GORASP1: variants seen among roughly 807,000 people sequenced by gnomAD.
GORASP1 encodes the protein Golgi reassembly-stacking protein 1.
GORASP1 carries 31 observed loss-of-function variants against 37.7 expected under a neutral mutation model. That is an observed-to-expected ratio of 0.82 (90% CI 0.62 to 1.11). GORASP1 has a LOEUF of 1.11. Ranked by LOEUF, GORASP1 falls within the 50% of genes least tolerant of loss-of-function variation. GORASP1 has a pLI of 0.00. For synonymous variants in GORASP1, 204 were observed against 224.8 expected (o/e 0.91, Z 0.83); for missense variants, 476 against 560.7 (o/e 0.85, Z 1.53).
In GORASP1 at chr3:39,098,965, C is replaced by T; in HGVS notation, c.917-72G>A. 2 of 1,576,738 alleles carry T rather than the reference C, an allele frequency of 1.3e-6. No individual in the cohort carries two copies. The highest frequency in any genetic ancestry group is 2.3e-5 in the East Asian group (1 of 44,392). On this transcript the variant is annotated intron_variant, in intron 7 of 8. Coordinates refer to ENST00000319283, the MANE Select transcript of GORASP1 (RefSeq NM_031899.4). This position sits in a 1 kb window ranked among gnomAD's most constrained non-coding sequence, Gnocchi z 4.7. Reference sequence around the variant, plus strand: ...CTGGAAAGCAGCACCCTGGGCTCACCTTGCCTAGGGCATCTGGCCCAGCCT... The same window carrying T: ...CTGGAAAGCAGCACCCTGGGCTCACTTTGCCTAGGGCATCTGGCCCAGCCT...
chr3:39,102,755 C>T lies in GORASP1; in HGVS notation c.271G>A (p.Gly91Ser). 1 of 1,614,200 alleles carries T rather than the reference C, an allele frequency of 6.2e-7. No individual in the cohort carries two copies. Among genetic ancestry groups the T allele is most frequent in the Non-Finnish European group, 8.5e-7 (1 of 1,180,024 alleles). The stretch of plus-strand genomic sequence containing the variant: ...CTGGCACCCAGTAGGCCCTGGCCGC[C>T]CCACATGTTGCTGGGCACCACCTCC... ...EVEVVPSNMW[G>S]GQGLLGASVR... Residue 91 changes from glycine to serine, a missense_variant, in exon 3 of 9, where the codon GGC (glycine) becomes AGC (serine). Transcript: ENST00000319283. The surrounding 1 kb of genome is among the most constrained non-coding windows in gnomAD (Gnocchi z 5.0).
rs2035552065 is a variant in GORASP1 at position 39,099,383 on chromosome 3, G to A, written c.886C>T (p.Pro296Ser). ...TCCATAACTCGCTGCACTGGAGGTG[G>A]GGGCTGAAGAGGAGTCTCCATGAAA... Reference protein sequence around the residue: ...PHFMETPLQPPPPVQRVMDPG... With the variant: ...PHFMETPLQPSPPVQRVMDPG... Residue 296 changes from proline to serine, a missense_variant, in exon 7 of 9, where the codon CCA (proline) becomes TCA (serine). Pro to Ser is a moderately conservative substitution (Grantham distance 74, BLOSUM62 -1). Transcript: ENST00000319283. The A allele has an allele frequency of 6.2e-7, 1 of 1,613,642 alleles. No individual in the cohort carries two copies. The highest frequency in any genetic ancestry group is 8.5e-7 in the Non-Finnish European group (1 of 1,179,808).
rs751809440 is a variant in GORASP1, at chr3:39,102,914, C to T, written c.145-33G>A. 5.6e-6 allele frequency: 9 copies of T among 1,596,696 alleles called. No individual in the cohort carries two copies. Among genetic ancestry groups the T allele is most frequent in the South Asian group, 5.5e-5 (5 of 90,708 alleles). ...GGCAATGGGGCTGACTCCAAGGCCACCTCATGCCCAGGCTAGGACCCTCAG... is the reference window on the plus strand; with the variant it reads ...GGCAATGGGGCTGACTCCAAGGCCATCTCATGCCCAGGCTAGGACCCTCAG... On this transcript the variant is annotated intron_variant, in intron 2 of 8. Coordinates refer to ENST00000319283, the MANE Select transcript of GORASP1 (RefSeq NM_031899.4). The surrounding 1 kb of genome is among the most constrained non-coding windows in gnomAD (Gnocchi z 5.0).
At position 39,100,383 on chromosome 3, in the gene GORASP1, A is replaced by AG. The variant is rs748515159; in HGVS notation, c.686dup (p.Asp230Ter). On this transcript the variant is annotated frameshift_variant, in exon 6 of 9. Transcript: ENST00000319283. LOFTEE classifies it high-confidence loss of function. The surrounding 1 kb of genome is among the most constrained non-coding windows in gnomAD (Gnocchi z 4.6). ...GGGTGGGTCCAGGTGGTAGAGCATC[A>AG]GGTGGTGGGGCACCAAGTGGTAGAG... The AG allele has an allele frequency of 1.2e-6, 2 of 1,614,090 alleles. No individual in the cohort carries two copies. Among genetic ancestry groups the AG allele is most frequent in the Non-Finnish European group, 1.7e-6 (2 of 1,179,978 alleles).
chr3:39,098,895 T>C lies in GORASP1; in HGVS notation c.917-2A>G. 1 of 1,613,730 alleles carries C rather than the reference T, an allele frequency of 6.2e-7. No homozygotes were observed. Among genetic ancestry groups the C allele is most frequent in the Non-Finnish European group, 8.5e-7 (1 of 1,179,858 alleles). ...AAATTCCCGACACGTCCAGGAAGCCTAGGGGAGGGTGGTGCAGTTCTTTGC... is the reference window on the plus strand; with the variant it reads ...AAATTCCCGACACGTCCAGGAAGCCCAGGGGAGGGTGGTGCAGTTCTTTGC... On this transcript the variant is annotated splice_acceptor_variant, in intron 7 of 8. Transcript: ENST00000319283. LOFTEE classifies it high-confidence loss of function. The surrounding 1 kb of genome is among the most constrained non-coding windows in gnomAD (Gnocchi z 4.7).
In GORASP1 at chr3:39,098,679, G is replaced by A. The variant is rs764414929; in HGVS notation, c.1069+62C>T. ...ACTTCTGCCCAGCTGAGGAATTGAG[G>A]GCAGCCTTCCCAACAACCCGGGGTC... On this transcript the variant is annotated intron_variant, in intron 8 of 8. Coordinates refer to ENST00000319283, the MANE Select transcript of GORASP1 (RefSeq NM_031899.4). This position sits in a 1 kb window ranked among gnomAD's most constrained non-coding sequence, Gnocchi z 4.7. 1.2e-5 allele frequency: 19 copies of A among 1,580,962 alleles called. No homozygotes were observed. The highest frequency in any genetic ancestry group is 1.6e-5 in the Non-Finnish European group (19 of 1,162,346).
In GORASP1 at chr3:39,105,340, T is replaced by G. The variant is rs1378929583; in HGVS notation, c.64-1787A>C. On this transcript the variant is annotated intron_variant, in intron 1 of 8. Transcript: ENST00000319283. This position sits in a 1 kb window ranked among gnomAD's most constrained non-coding sequence, Gnocchi z 5.4. ...TGCTTTTCCTCATGCTCCCACCCTA[T>G]TTTTCCCAATCAGGGAACCTAATGG... 6.6e-6 allele frequency among the ~76,000 whole-genome samples: 1 copy of G among 152,014 alleles called. No homozygotes were observed. The highest frequency in any genetic ancestry group is 1.5e-5 in the Non-Finnish European group (1 of 67,988).
In GORASP1 at chr3:39,100,267, T is replaced by G; in HGVS notation, c.765+38A>C. On this transcript the variant is annotated intron_variant, in intron 6 of 8. Transcript: ENST00000319283. This position sits in a 1 kb window ranked among gnomAD's most constrained non-coding sequence, Gnocchi z 4.6. ...GGCTCCCCAAGGGCAGCCTCTAGAG[T>G]TTTCTGTCTTCCCAGTTGGCAGATT... is the stretch of plus-strand genomic sequence containing the variant. The G allele has an allele frequency of 6.3e-7, 1 of 1,592,056 alleles. No individual in the cohort carries two copies. Among genetic ancestry groups the G allele is most frequent in the Non-Finnish European group, 8.6e-7 (1 of 1,160,438 alleles).
Position 39,100,906 on chromosome 3 carries a change from T to C in GORASP1, c.436-29A>G, listed in dbSNP as rs890920923. The stretch of plus-strand genomic sequence containing the variant: ...TGAGAAACGCATAGCACCTGAGGCC[T>C]GCTTCCAGGGCTAAAGCCTCAACAA... On this transcript the variant is annotated intron_variant, in intron 4 of 8. Transcript: ENST00000319283. The surrounding 1 kb of genome is among the most constrained non-coding windows in gnomAD (Gnocchi z 4.6). The C allele has an allele frequency of 1.2e-6, 2 of 1,614,144 alleles. No individual in the cohort carries two copies. Among genetic ancestry groups the C allele is most frequent in the Non-Finnish European group, 1.7e-6 (2 of 1,179,966 alleles).
Position 39,100,909 on chromosome 3 carries a change from T to C in GORASP1, c.436-32A>G. 2 of 1,614,148 alleles carry C rather than the reference T, an allele frequency of 1.2e-6. No individual in the cohort carries two copies. The highest frequency in any genetic ancestry group is 1.7e-6 in the Non-Finnish European group (2 of 1,179,976). ...GAAACGCATAGCACCTGAGGCCTGC[T>C]TCCAGGGCTAAAGCCTCAACAAAAC... is the stretch of plus-strand genomic sequence containing the variant. On this transcript the variant is annotated intron_variant, in intron 4 of 8. Transcript: ENST00000319283. The surrounding 1 kb of genome is among the most constrained non-coding windows in gnomAD (Gnocchi z 4.6).
At position 39,102,210 on chromosome 3, in the gene GORASP1, CTG is replaced by C. The variant is rs1212104520; in HGVS notation, c.348+466_348+467del. Among the ~76,000 whole-genome samples, 9 of 152,148 alleles carry C rather than the reference CTG, an allele frequency of 5.9e-5. No individual in the cohort carries two copies. The highest frequency in any genetic ancestry group is 2.2e-4 in the African/African-American group (9 of 41,420). ...AGGCAACTGTAACACAATTAAGTATCTGTGTGTCTAAACATTCAGGCATAGAA... is the reference window on the plus strand; with the variant it reads ...AGGCAACTGTAACACAATTAAGTATCTGTGTCTAAACATTCAGGCATAGAA... On this transcript the variant is annotated intron_variant, in intron 3 of 8. Coordinates refer to ENST00000319283, the MANE Select transcript of GORASP1 (RefSeq NM_031899.4). The surrounding 1 kb of genome is among the most constrained non-coding windows in gnomAD (Gnocchi z 5.0).
rs1312329995 is a variant in GORASP1 at position 39,102,091 on chromosome 3, C to G, written c.348+587G>C. 6.6e-6 allele frequency among the ~76,000 whole-genome samples: 1 copy of G among 150,386 alleles called. No homozygotes were observed. Among genetic ancestry groups the G allele is most frequent in the East Asian group, 1.9e-4 (1 of 5,138 alleles). On this transcript the variant is annotated intron_variant, in intron 3 of 8. Transcript: ENST00000319283. The surrounding 1 kb of genome is among the most constrained non-coding windows in gnomAD (Gnocchi z 5.0). Reference sequence around the variant, plus strand: ...TTGTGCAAACATCATAGAACTTAACCTACACATAGCCTACTAGACACCTGG... The same window carrying G: ...TTGTGCAAACATCATAGAACTTAACGTACACATAGCCTACTAGACACCTGG...
intron 7 of GORASP1, 180 bp from the exon 8 acceptor site, chr3:39,099,073 A>G (rs1053674244): frequency 2.3e-6 from 2 of 858,524 alleles, no homozygotes; most frequent in Non-Finnish European, 3.8e-6. Flanking sequence ...TTCTGAGGAA[A>G]GAAAGGGGCC....
Position 39,102,989 on chromosome 3 carries a change from CA to C in GORASP1, c.145-109del. On this transcript the variant is annotated intron_variant, in intron 2 of 8. Transcript: ENST00000319283. This position sits in a 1 kb window ranked among gnomAD's most constrained non-coding sequence, Gnocchi z 5.0. Reference sequence around the variant, plus strand: ...AAGGGCCTTAGTGGGCAGCAGCCCTCAGCAGGGTCACTGTGGGGATGGGCCA... The same window carrying C: ...AAGGGCCTTAGTGGGCAGCAGCCCTCGCAGGGTCACTGTGGGGATGGGCCA... 1 of 1,042,320 alleles carries C rather than the reference CA, an allele frequency of 9.6e-7. No individual in the cohort carries two copies. Among genetic ancestry groups the C allele is most frequent in the South Asian group, 1.3e-5 (1 of 77,144 alleles). The allele number at this position is 1,042,320 out of a possible 1,614,324, so 64.6% of individuals were successfully genotyped here.
At position 39,105,020 on chromosome 3, in the gene GORASP1, TC is replaced by T. The variant is rs923055253; in HGVS notation, c.64-1468del. Among the ~76,000 whole-genome samples the T allele has an allele frequency of 6.6e-6, 1 of 151,906 alleles. No homozygotes were observed. The highest frequency in any genetic ancestry group is 2.4e-5 in the African/African-American group (1 of 41,298). Reference sequence around the variant, plus strand: ...GGTGCCTGCCTACTTCCCTCCCCACTCCCCAGTATTGCATGTCAGCTGCTCT... The same window carrying T: ...GGTGCCTGCCTACTTCCCTCCCCACTCCCAGTATTGCATGTCAGCTGCTCT... On this transcript the variant is annotated intron_variant, in intron 1 of 8. Coordinates refer to ENST00000319283, the MANE Select transcript of GORASP1 (RefSeq NM_031899.4). The surrounding 1 kb of genome is among the most constrained non-coding windows in gnomAD (Gnocchi z 5.4).
Position 39,096,959 on chromosome 3 carries a change from TG to T in GORASP1, c.*1276del, listed in dbSNP as rs1458672994. 1 of 152,286 alleles carries T rather than the reference TG, an allele frequency of 6.6e-6. No homozygotes were observed. The highest frequency in any genetic ancestry group is 1.5e-5 in the Non-Finnish European group (1 of 68,070). 9.4% of individuals were successfully genotyped at this position (152,286 alleles called of 1,614,324 possible). A position where few individuals can be genotyped will look rare whatever the true frequency, so the allele number is the denominator to read the frequency against. ...TCCTGCATTCCAGCAGACTTGACACTGGGCTCCCAGACGATCCAGGACACAA... is the reference window on the plus strand; with the variant it reads ...TCCTGCATTCCAGCAGACTTGACACTGGCTCCCAGACGATCCAGGACACAA... On this transcript the variant is annotated 3_prime_UTR_variant, in exon 9 of 9. Transcript: ENST00000319283.
chr3:39,101,244 C>T, intron 3 of GORASP1, 142 bp from the exon 4 acceptor site: 1 of 711,822 alleles, frequency 1.4e-6, no homozygotes. Flanking sequence ...CCCATACTCC[C>T]TCATTTCACC....
chr3:39,107,052 GC>G, intron 1 of GORASP1: 1 of 461,446 alleles, frequency 2.2e-6, no homozygotes, highest in Non-Finnish European at 4.3e-6. Flanking sequence ...GTTAACCCCG[GC>G]CCCCGGGACT....
chr3:39,107,570 C>T lies in GORASP1; in HGVS notation c.-29G>A. On this transcript the variant is annotated 5_prime_UTR_variant, in exon 1 of 9. Transcript: ENST00000319283. ...AGCGGCTCCGCTCGGCACCCAGGTC[C>T]AGTCCCGCTGCGCCTACCCGGACCG... is the stretch of plus-strand genomic sequence containing the variant. 2 of 1,488,960 alleles carry T rather than the reference C, an allele frequency of 1.3e-6. No individual in the cohort carries two copies. The highest frequency in any genetic ancestry group is 1.8e-6 in the Non-Finnish European group (2 of 1,128,914). 92.2% of individuals were successfully genotyped at this position (1,488,960 alleles called of 1,614,324 possible). A position where few individuals can be genotyped will look rare whatever the true frequency, so the allele number is the denominator to read the frequency against.
Sources: gnomAD v4.1 joint callset for allele counts (sites outside exome capture counted in the v4.1 genomes callset) on GRCh38, gnomAD v4.1.1 for gene constraint, Gnocchi (gnomAD v3.1) non-coding constraint, MANE v1.5 for transcripts, NCBI Gene and HGNC (gene_info 2026-07-23, HGNC 2026-07-21) for gene names.